The following PUM2 variants were observed in gnomAD, a reference collection of about 807,000 sequenced individuals.
PUM2 encodes pumilio homolog 2.
Under a neutral mutation model 124.5 loss-of-function variants are expected in PUM2, and 57 were observed. That is an observed-to-expected ratio of 0.46 (90% CI 0.37 to 0.57). The LOEUF (loss-of-function observed/expected upper bound fraction) is 0.57, where lower values mean the gene tolerates loss of function less well. Among genes scored for constraint, PUM2 ranks in the 20% least tolerant of loss-of-function variants. The probability of loss-of-function intolerance (pLI) is 0.00; values close to 1 mark genes in which losing one functional copy is unlikely to be tolerated. For synonymous variants in PUM2, 460 were observed against 446.1 expected, an observed-to-expected ratio of 1.03 and a Z score of -0.39; for missense variants, 1,065 against 1,290.6, an observed-to-expected ratio of 0.83 and a Z score of 2.68.
Position 20,264,881 on chromosome 2 carries a change from CCT to C in PUM2, c.1958-1423_1958-1422del, listed in dbSNP as rs1667271060. Reference sequence around the variant, plus strand: ...GGAGAGTAAATTGGGTTAGAACATTCCTCTTTCACTTTCTGTCCCTACTGTCC... The same window carrying C: ...GGAGAGTAAATTGGGTTAGAACATTCCTTTCACTTTCTGTCCCTACTGTCC... On this transcript the variant is annotated intron_variant, in intron 13 of 20. Transcript: ENST00000361078. Among the ~76,000 whole-genome samples, 3 of 152,104 alleles carry C rather than the reference CCT, an allele frequency of 2.0e-5. No homozygotes were observed. The South Asian group carries it at 6.2e-4, about 32-fold the overall frequency.
chr2:20,257,043 C>CAAAAAAAAAA (rs58072146), intron 16 of PUM2, among the ~76,000 whole-genome samples: 38 of 71,796 alleles, frequency 5.3e-4, no homozygotes, highest in African/African-American at 1.8e-3. Context: ...GATTCCGTCT[C>CAAAAAAAAAA]AAAAAAAAAA....
intron 13 of PUM2, among the ~76,000 whole-genome samples, chr2:20,276,123 G>A (rs1670194300): frequency 6.6e-6 from 1 of 151,848 alleles, no homozygotes; most frequent in South Asian, 2.1e-4. Flanking sequence ...TTGAACAAGT[G>A]TTTTAGATTT....
chr2:20,300,212 C>T (rs1366487476), intron 7 of PUM2, among the ~76,000 whole-genome samples: 4 of 151,954 alleles, frequency 2.6e-5, no homozygotes, highest in Admixed American at 1.3e-4. Flanking sequence ...TGCAGTAGCA[C>T]GATCTTGGCT....
intron 7 of PUM2, among the ~76,000 whole-genome samples, chr2:20,305,550 G>T (rs1678049687): frequency 6.7e-6 from 1 of 148,720 alleles, no homozygotes; most frequent in African/African-American, 2.5e-5. Context: ...TGAAAAAACT[G>T]CAGATACACA....
chr2:20,329,408 G>GTTA (rs2148891053), intron 1 of PUM2, among the ~76,000 whole-genome samples: 1 of 149,472 alleles, frequency 6.7e-6, no homozygotes, highest in East Asian at 1.9e-4. Flanking sequence ...CTCCAGCCTG[G>GTTA]GTAATAGAAC....
intron 13 of PUM2, among the ~76,000 whole-genome samples, chr2:20,273,331 A>G (rs1669475449): frequency 6.6e-6 from 1 of 152,200 alleles, no homozygotes; most frequent in Non-Finnish European, 1.5e-5. Context: ...ATCCTTGTGA[A>G]GTCTACTACG....
chr2:20,341,239 C>T (rs7596797), intron 1 of PUM2, among the ~76,000 whole-genome samples: 48,430 of 151,732 alleles, frequency 0.32, 8,567 homozygotes, highest in East Asian at 0.74. Context: ...TGGAAATTTA[C>T]CTTAAACAAA....
At chr2:20,332,280 AGAGTGTGTGTGTGTGT>A (rs1685070523) in intron 1 of PUM2, among the ~76,000 whole-genome samples, 1 of 118,946 alleles carries the variant, frequency 8.4e-6, no homozygotes, top group African/African-American at 3.5e-5. Context: ...TTATACTACT[AGAGTGTGTGTGTGTGT>A]GTGTGTGTGT....
chr2:20,253,694 A>C lies in PUM2; in HGVS notation c.3063+128T>G. ...GAAACCATACCAATATATCTGCCAA[A>C]GGATATCCATCGATTTTAATTTTTC... On this transcript the variant is annotated intron_variant, in intron 20 of 20. Transcript: ENST00000361078. 3 of 874,114 alleles carry C rather than the reference A, an allele frequency of 3.4e-6. No homozygotes were observed. In the Middle Eastern group the frequency reaches 9.2e-4, roughly 269 times the overall value. The allele number at this position is 874,114 out of a possible 1,614,324, so 54.1% of individuals were successfully genotyped here.
chr2:20,337,585 A>G (rs2149022276), intron 1 of PUM2, among the ~76,000 whole-genome samples: 1 of 152,094 alleles, frequency 6.6e-6, no homozygotes, highest in East Asian at 1.9e-4. Context: ...GTCTGACAGA[A>G]AGCCACATAA....
chr2:20,304,920 T>C (rs1478570131), intron 7 of PUM2, among the ~76,000 whole-genome samples: 1 of 152,212 alleles, frequency 6.6e-6, no homozygotes, highest in Non-Finnish European at 1.5e-5. Context: ...AATTATATGG[T>C]ACATATTATA....
At chr2:20,286,013 C>G (rs763371784) in intron 10 of PUM2, among the ~76,000 whole-genome samples, 3 of 152,032 alleles carry the variant, frequency 2.0e-5, no homozygotes, top group Non-Finnish European at 4.4e-5. Context: ...TAAGCCAGTA[C>G]GACTGAAAGA....
intron 7 of PUM2, among the ~76,000 whole-genome samples, chr2:20,304,386 C>T (rs111527769): frequency 7.2e-5 from 11 of 152,214 alleles, no homozygotes; most frequent in African/African-American, 2.4e-4. Context: ...GTTAAGCCTG[C>T]GTCTTACCTA....
At chr2:20,310,049 A>G (rs1450436270) in intron 5 of PUM2, among the ~76,000 whole-genome samples, 1 of 152,096 alleles carries the variant, frequency 6.6e-6, no homozygotes, top group African/African-American at 2.4e-5. Flanking sequence ...TCTTTAAAAA[A>G]TAAGTGTCCA....
At chr2:20,312,096 A>G in intron 4 of PUM2, 140 bp downstream of exon 4, 6 of 732,878 alleles carry the variant, frequency 8.2e-6, no homozygotes, top group Non-Finnish European at 1.3e-5. Flanking sequence ...GTGGCTAAGC[A>G]GAAGAATAGC....
chr2:20,307,746 T>C (rs1678683268), intron 7 of PUM2, among the ~76,000 whole-genome samples: 1 of 152,246 alleles, frequency 6.6e-6, no homozygotes, highest in South Asian at 2.1e-4. Flanking sequence ...GAAAAACTTA[T>C]GTGATAATAA....
At chr2:20,340,390 T>C (rs1464795464) in intron 1 of PUM2, among the ~76,000 whole-genome samples, 2 of 152,194 alleles carry the variant, frequency 1.3e-5, no homozygotes, top group African/African-American at 2.4e-5. Context: ...GAGTTCTACC[T>C]TTCTCAGTAC....
Position 20,298,397 on chromosome 2 carries a change from T to G in PUM2, c.884-719A>C, listed in dbSNP as rs190685940. Among the ~76,000 whole-genome samples the G allele has an allele frequency of 1.6e-3, 247 of 152,304 alleles. 1 individual carries two copies. The highest frequency in any genetic ancestry group is 2.9e-3 in the Admixed American group (44 of 15,290). ...GAGCTTAAAGGCCAGTTACACTCAC[T>G]TCTGAGTAACATACGTCCATATGAA... On this transcript the variant is annotated intron_variant, in intron 7 of 20. Coordinates refer to ENST00000361078, the MANE Select transcript of PUM2 (RefSeq NM_015317.5).
chr2:20,255,452 A>G (rs1400451294), intron 17 of PUM2, 111 bp from the exon 18 acceptor site: 19 of 1,095,032 alleles, frequency 1.7e-5, no homozygotes. Flanking sequence ...AAGCAGTTTG[A>G]AATAGAAGGG....
Sources: gnomAD v4.1 joint callset for allele counts (sites outside exome capture counted in the v4.1 genomes callset) on GRCh38, gnomAD v4.1.1 for gene constraint, MANE v1.5 for transcripts, NCBI Gene and HGNC (gene_info 2026-07-23, HGNC 2026-07-21) for gene names.